The following XKR6 variants were observed in gnomAD, a reference collection of about 807,000 sequenced individuals.
The protein encoded by XKR6 is XK related 6.
XKR6 carries 22 observed loss-of-function variants against 56.7 expected under a neutral mutation model. The observed-to-expected ratio is 0.39, with a 90% confidence interval of 0.28 to 0.55. The LOEUF (loss-of-function observed/expected upper bound fraction) is 0.55. XKR6 is among the 20% of genes least tolerant of loss of function. The pLI, the probability that XKR6 is intolerant of heterozygous loss-of-function variation, is 0.66. For synonymous variants in XKR6, 524 were observed against 387.8 expected, an observed-to-expected ratio of 1.35 and a Z score of -4.13; for missense variants, 852 against 889.0, an observed-to-expected ratio of 0.96 and a Z score of 0.53.
chr8:11,109,374 T>G (rs1383491721), intron 1 of XKR6: 1 of 152,234 alleles, frequency 6.6e-6, no homozygotes. Flanking sequence ...TATTTTTAGC[T>G]AAGTTAATCT....
chr8:10,908,663 C>T (rs937407541), intron 2 of XKR6, among the ~76,000 whole-genome samples: 2 of 152,144 alleles, frequency 1.3e-5, no homozygotes, highest in African/African-American at 4.8e-5. Context: ...TCCCCGACCA[C>T]CACACTTAAA....
chr8:11,185,229 T>C (rs1054619260), intron 1 of XKR6, among the ~76,000 whole-genome samples: 1 of 152,218 alleles, frequency 6.6e-6, no homozygotes, highest in Non-Finnish European at 1.5e-5. Flanking sequence ...AATAAGTGGG[T>C]AAGAATTATC....
chr8:11,141,837 G>A (rs145530899), intron 1 of XKR6, among the ~76,000 whole-genome samples: 1 of 152,264 alleles, frequency 6.6e-6, no homozygotes, highest in East Asian at 1.9e-4. Flanking sequence ...CTAGAAGGTA[G>A]GACAGTAATT....
intron 1 of XKR6, among the ~76,000 whole-genome samples, chr8:10,984,732 C>CTCTCTCTCTCTCTCTCTCTATATA: frequency 3.4e-4 from 16 of 47,482 alleles, no homozygotes; most frequent in Non-Finnish European, 6.3e-4. Context: ...CTCTCTCTCT[C>CTCTCTCTCTCTCTCTCTCTATATA]TATATATATA....
intron 1 of XKR6, among the ~76,000 whole-genome samples, chr8:10,972,698 G>T (rs188967113): frequency 9.2e-4 from 140 of 152,302 alleles, no homozygotes; most frequent in Middle Eastern, 3.4e-3. Flanking sequence ...CTTGCCAGGG[G>T]CTGGGGAAAA....
intron 2 of XKR6, among the ~76,000 whole-genome samples, chr8:10,922,256 C>T (rs1252013196): frequency 2.0e-5 from 3 of 152,230 alleles, no homozygotes; most frequent in Non-Finnish European, 2.9e-5. Flanking sequence ...AAAAGAAGGA[C>T]TCAGATGGGA....
intron 1 of XKR6, chr8:11,113,932 G>A: frequency 3.4e-6 from 1 of 297,852 alleles, no homozygotes; most frequent in African/African-American, 2.2e-5. Context: ...GGGCAGCACA[G>A]ACACGGAAAC....
intron 1 of XKR6, among the ~76,000 whole-genome samples, chr8:10,997,714 A>G (rs760393614): frequency 6.6e-6 from 1 of 152,142 alleles, no homozygotes; most frequent in Admixed American, 6.5e-5. Context: ...AACTAAAACT[A>G]CTAGGGGGAT....
intron 1 of XKR6, among the ~76,000 whole-genome samples, chr8:11,031,679 T>C (rs1313022956): frequency 6.6e-6 from 1 of 151,072 alleles, no homozygotes; most frequent in Non-Finnish European, 1.5e-5. Context: ...TGAGGCCTGA[T>C]TGCAGCATTC....
intron 1 of XKR6, among the ~76,000 whole-genome samples, chr8:10,988,054 A>T (rs1359620583): frequency 6.6e-6 from 1 of 152,214 alleles, no homozygotes; most frequent in Admixed American, 6.5e-5. Flanking sequence ...ACATTATTTA[A>T]ATCAACTTAA....
intron 1 of XKR6, among the ~76,000 whole-genome samples, chr8:11,190,850 T>A (rs1030948854): frequency 3.3e-5 from 5 of 152,240 alleles, no homozygotes; most frequent in African/African-American, 1.2e-4. Flanking sequence ...CACTTCTTCA[T>A]CTGTAAAATG....
At position 11,137,558 on chromosome 8, in the gene XKR6, G is replaced by A. The variant is rs188411249; in HGVS notation, c.764+63018C>T. The A allele has an allele frequency of 8.2e-4, 372 of 456,210 alleles. 8 individuals carry two copies. In the East Asian group the frequency reaches 0.019, roughly 23 times the overall value. The allele number at this position is 456,210 out of a possible 1,614,324, so 28.3% of individuals were successfully genotyped here. A position where few individuals can be genotyped will look rare whatever the true frequency, so the allele number is the denominator to read the frequency against. On this transcript the variant is annotated intron_variant, in intron 1 of 2. Transcript: ENST00000416569. ...GGTATACCCATCACCCCAGTGTTCT[G>A]GAAGAAAAAGACAGCAGGGAGAAGT...
intron 1 of XKR6, among the ~76,000 whole-genome samples, chr8:10,933,224 G>A (rs1199926908): frequency 3.6e-5 from 4 of 110,400 alleles, no homozygotes; most frequent in African/African-American, 8.6e-5. Flanking sequence ...CATGTCCCTC[G>A]CCCACTTTTT....
chr8:11,086,881 C>G (rs116552090), intron 1 of XKR6, among the ~76,000 whole-genome samples: 3 of 152,222 alleles, frequency 2.0e-5, no homozygotes, highest in African/African-American at 7.2e-5. Context: ...CGAAACAGAA[C>G]AGAGGCGTCG....
intron 1 of XKR6, among the ~76,000 whole-genome samples, chr8:11,057,142 C>T (rs945651405): frequency 6.6e-6 from 1 of 152,326 alleles, no homozygotes; most frequent in Non-Finnish European, 1.5e-5. Flanking sequence ...CTATGACTCT[C>T]CCTCTCTTCA....
intron 2 of XKR6, among the ~76,000 whole-genome samples, chr8:10,916,140 A>G (rs1396858033): frequency 6.6e-6 from 1 of 152,236 alleles, no homozygotes; most frequent in African/African-American, 2.4e-5. Context: ...AGCGTGGAGC[A>G]CTGGCAAGGG....
intron 1 of XKR6, among the ~76,000 whole-genome samples, chr8:11,102,641 G>C (rs553892517): frequency 2.0e-5 from 3 of 152,298 alleles, no homozygotes; most frequent in Non-Finnish European, 4.4e-5. Context: ...CGAGGCACCA[G>C]TGTAAGTGTG....
At chr8:10,971,396 G>C (rs1160168238) in intron 1 of XKR6, among the ~76,000 whole-genome samples, 1 of 151,902 alleles carries the variant, frequency 6.6e-6, no homozygotes, top group Non-Finnish European at 1.5e-5. Flanking sequence ...ACTCCAGCCT[G>C]GGTGACAGAG....
rs1369797126 is a variant in XKR6 at position 11,201,474 on chromosome 8, G to A, written c.-135C>T. 5.3e-6 allele frequency: 3 copies of A among 571,072 alleles called. No homozygotes were observed. Among genetic ancestry groups the A allele is most frequent in the Non-Finnish European group, 9.1e-6 (3 of 329,696 alleles). 35.4% of individuals were successfully genotyped at this position (571,072 alleles called of 1,614,324 possible). A position where few individuals can be genotyped will look rare whatever the true frequency, so the allele number is the denominator to read the frequency against. On this transcript the variant is annotated 5_prime_UTR_variant, in exon 1 of 3. Coordinates refer to ENST00000416569, the MANE Select transcript of XKR6 (RefSeq NM_173683.4). ...GGAGGAAGCGGGGGAGCAAACGAAC[G>A]AGGGGGGAGTGGGCCAGGGAACCCC... is the stretch of plus-strand genomic sequence containing the variant.
Sources: gnomAD v4.1 joint callset for allele counts (sites outside exome capture counted in the v4.1 genomes callset) on GRCh38, gnomAD v4.1.1 for gene constraint, MANE v1.5 for transcripts, NCBI Gene and HGNC (gene_info 2026-07-23, HGNC 2026-07-21) for gene names.